The following RBFOX1 variants were observed in gnomAD, a reference collection of about 807,000 sequenced individuals.
The protein encoded by RBFOX1 is RNA binding fox-1 homolog 1, also known as RNA binding protein fox-1 homolog 1.
In RBFOX1, 8 loss-of-function variants were observed where a neutral mutation model predicts 57.7. The observed-to-expected ratio is 0.14, with a 90% CI of 0.08 to 0.25. The LOEUF is 0.25. Among genes scored for constraint, RBFOX1 ranks in the 10% least tolerant of loss-of-function variants. RBFOX1 has a pLI of 1.00. For missense variants in RBFOX1, 611 were observed against 548.5 expected (o/e 1.11, Z -1.14); for synonymous variants, 326 against 222.4 (o/e 1.47, Z -4.15).
At chr16:6,954,068 C>T (rs1481863014) in intron 3 of RBFOX1, among the ~76,000 whole-genome samples, 1 of 152,152 alleles carries the variant, frequency 6.6e-6, no homozygotes, top group Non-Finnish European at 1.5e-5. Context: ...ACTTCTCTGT[C>T]AACAAGGCGG....
chr16:7,304,069 C>G (rs1007863006), intron 4 of RBFOX1: 26 of 392,262 alleles, frequency 6.6e-5, no homozygotes, highest in African/African-American at 5.4e-4. Flanking sequence ...AACTAGTTTC[C>G]AGGTCCCCGC....
At chr16:7,436,652 C>G (rs2098723643) in intron 4 of RBFOX1, among the ~76,000 whole-genome samples, 2 of 152,236 alleles carry the variant, frequency 1.3e-5, no homozygotes, top group Non-Finnish European at 1.5e-5. Flanking sequence ...CGGAGGATCA[C>G]TCAGGAACCT....
chr16:5,650,005 CA>C (rs2049181591), intron 3 of RBFOX1, among the ~76,000 whole-genome samples: 1 of 152,220 alleles, frequency 6.6e-6, no homozygotes, highest in South Asian at 2.1e-4. Context: ...CGATGTTTTG[CA>C]AACACCACAT....
At chr16:6,775,934 G>T (rs953739672) in intron 3 of RBFOX1, 1 of 152,160 alleles carries the variant, frequency 6.6e-6, no homozygotes, top group Admixed American at 6.5e-5. Flanking sequence ...TGTGGGTGAC[G>T]GGGAATGGCT....
intron 1 of RBFOX1, among the ~76,000 whole-genome samples, chr16:6,048,331 G>T (rs376472218): frequency 3.9e-5 from 6 of 152,108 alleles, no homozygotes; most frequent in African/African-American, 1.4e-4. Flanking sequence ...AATTATCAGT[G>T]CTTCTGCATT....
chr16:5,992,169 AAAAG>A (rs761188136), intron 4 of RBFOX1, among the ~76,000 whole-genome samples: 8 of 152,188 alleles, frequency 5.3e-5, no homozygotes, highest in Non-Finnish European at 1.2e-4. Context: ...TGAAGAAAAA[AAAAG>A]AGAAAAGAAG....
At chr16:7,080,917 C>T (rs980137959) in intron 4 of RBFOX1, among the ~76,000 whole-genome samples, 3 of 152,218 alleles carry the variant, frequency 2.0e-5, no homozygotes, top group Non-Finnish European at 4.4e-5. Flanking sequence ...AGCAGTTTCT[C>T]ATTGCTTGTG....
chr16:6,818,740 A>G (rs2090665047), intron 3 of RBFOX1, among the ~76,000 whole-genome samples: 3 of 152,128 alleles, frequency 2.0e-5, no homozygotes, highest in South Asian at 2.1e-4. Context: ...AGATAGAAAA[A>G]GCCCCAAGCT....
intron 1 of RBFOX1, among the ~76,000 whole-genome samples, chr16:5,439,412 A>G (rs1350162872): frequency 6.6e-6 from 1 of 152,134 alleles, no homozygotes; most frequent in East Asian, 1.9e-4. Flanking sequence ...TAGAAAACGC[A>G]TCATGGGGAA....
At chr16:5,976,901 T>C (rs952288351) in intron 4 of RBFOX1, among the ~76,000 whole-genome samples, 1 of 152,142 alleles carries the variant, frequency 6.6e-6, no homozygotes, top group Non-Finnish European at 1.5e-5. Flanking sequence ...CTAAAGATGA[T>C]AAAGCAAATT....
intron 3 of RBFOX1, among the ~76,000 whole-genome samples, chr16:6,916,446 C>G (rs570935193): frequency 6.6e-5 from 10 of 151,348 alleles, no homozygotes; most frequent in South Asian, 2.1e-4. Context: ...GTAATGTGGT[C>G]TAATACACCT....
intron 2 of RBFOX1, among the ~76,000 whole-genome samples, chr16:5,546,784 A>G (rs997878497): frequency 6.6e-6 from 1 of 152,206 alleles, no homozygotes; most frequent in African/African-American, 2.4e-5. Flanking sequence ...CATCAAAATT[A>G]AAAACTCTAC....
rs535341035 is a variant in RBFOX1, at chr16:7,023,459, C to G, written c.-15-28598C>G. Among the ~76,000 whole-genome samples, 143 of 124,882 alleles carry G rather than the reference C, an allele frequency of 1.1e-3. 2 individuals are homozygous for G. The highest frequency in any genetic ancestry group is 4.1e-3 in the African/African-American group (139 of 33,948). 81.9% of individuals were successfully genotyped at this position (124,882 alleles called of 152,430 possible). A position where few individuals can be genotyped will look rare whatever the true frequency, so the allele number is the denominator to read the frequency against. ...TGGATGACAGAGTGAGACTCCATCT[C>G]AAAAAAAAAAAGAGAGAAATGAATG... On this transcript the variant is annotated intron_variant, in intron 3 of 15. Coordinates refer to ENST00000550418, the MANE Select transcript of RBFOX1 (RefSeq NM_018723.4).
intron 4 of RBFOX1, among the ~76,000 whole-genome samples, chr16:5,950,185 G>T (rs537912400): frequency 9.9e-5 from 15 of 152,264 alleles, no homozygotes; most frequent in Non-Finnish European, 2.1e-4. Flanking sequence ...AAAGTGTGAG[G>T]CCTCTTGTTA....
At chr16:6,776,426 AC>A (rs1394016710) in intron 3 of RBFOX1, among the ~76,000 whole-genome samples, 3 of 101,570 alleles carry the variant, frequency 3.0e-5, no homozygotes, top group African/African-American at 9.1e-5. Context: ...AAAACAAAAA[AC>A]AAAAAACAAA....
At chr16:7,383,366 AC>A (rs1381823008) in intron 4 of RBFOX1, among the ~76,000 whole-genome samples, 1 of 152,108 alleles carries the variant, frequency 6.6e-6, no homozygotes, top group Non-Finnish European at 1.5e-5. Flanking sequence ...GGAGGCAAAA[AC>A]AAAAAAAGCA....
intron 4 of RBFOX1, among the ~76,000 whole-genome samples, chr16:7,382,198 C>T (rs906407140): frequency 5.3e-5 from 8 of 152,176 alleles, no homozygotes; most frequent in Non-Finnish European, 7.3e-5. Context: ...ACTATGAAGA[C>T]TCCATTTCAG....
At chr16:7,041,296 C>G (rs1238400258) in intron 3 of RBFOX1, among the ~76,000 whole-genome samples, 4 of 151,878 alleles carry the variant, frequency 2.6e-5, no homozygotes, top group African/African-American at 4.8e-5. Flanking sequence ...TCAGTGGCTG[C>G]TTTTCCACCA....
intron 3 of RBFOX1, among the ~76,000 whole-genome samples, chr16:5,607,492 G>T (rs528135542): frequency 4.1e-4 from 63 of 152,232 alleles, no homozygotes; most frequent in African/African-American, 1.5e-3. Flanking sequence ...GGATGGCTGT[G>T]CCCCCTGGAG....
Sources: gnomAD v4.1 joint callset for allele counts (sites outside exome capture counted in the v4.1 genomes callset) on GRCh38, gnomAD v4.1.1 for gene constraint, MANE v1.5 for transcripts, NCBI Gene and HGNC (gene_info 2026-07-23, HGNC 2026-07-21) for gene names.